The following NPLOC4 variants were observed in gnomAD, a reference collection of about 807,000 sequenced individuals.
NPLOC4 encodes the protein nuclear protein localization protein 4 homolog.
In NPLOC4, 18 loss-of-function variants were observed where a neutral mutation model predicts 80.6. The observed-to-expected ratio is 0.22, with a 90% CI of 0.15 to 0.33. The LOEUF (loss-of-function observed/expected upper bound fraction) is 0.33, where lower values mean the gene tolerates loss of function less well. Ranked by LOEUF, NPLOC4 falls within the 10% of genes least tolerant of loss-of-function variation. The probability of loss-of-function intolerance (pLI) is 1.00; values close to 1 mark genes in which losing one functional copy is unlikely to be tolerated. For synonymous variants in NPLOC4, 313 were observed against 301.5 expected (o/e 1.04, Z -0.39); for missense variants, 540 against 786.1 (o/e 0.69, Z 3.74).
At chr17:81,598,255 C>T (rs1218461230) in intron 9 of NPLOC4, among the ~76,000 whole-genome samples, 4 of 152,140 alleles carry the variant, frequency 2.6e-5, no homozygotes, top group African/African-American at 9.7e-5. Flanking sequence ...CCAGGGATCT[C>T]CATCTCTGTT....
chr17:81,622,154 G>A lies in NPLOC4; in HGVS notation c.209+12C>T. On this transcript the variant is annotated intron_variant, in intron 3 of 16. Transcript: ENST00000331134. ...CCCCCCATTCCCTGCTTCCTCCTCAGAGGACACTTACTTGATTTTTAGCAA... is the reference window on the plus strand; with the variant it reads ...CCCCCCATTCCCTGCTTCCTCCTCAAAGGACACTTACTTGATTTTTAGCAA... 2 of 1,591,528 alleles carry A rather than the reference G, an allele frequency of 1.3e-6. No homozygotes were observed. The highest frequency in any genetic ancestry group is 1.1e-5 in the South Asian group (1 of 90,508).
chr17:81,595,743 T>TA, intron 11 of NPLOC4, among the ~76,000 whole-genome samples: 1 of 151,764 alleles, frequency 6.6e-6, no homozygotes, highest in African/African-American at 2.4e-5. Context: ...GGGGTTTCGC[T>TA]ATGTTGGCCA....
intron 8 of NPLOC4, among the ~76,000 whole-genome samples, chr17:81,602,984 C>CAA (rs1568146471): frequency 3.4e-5 from 2 of 58,472 alleles, no homozygotes; most frequent in African/African-American, 6.4e-5. Context: ...CACAAATACA[C>CAA]ACACACACAC....
intron 1 of NPLOC4, among the ~76,000 whole-genome samples, chr17:81,635,110 G>A (rs1424691673): frequency 6.6e-6 from 1 of 151,856 alleles, no homozygotes. Context: ...GGTATGCCAA[G>A]GCGGGCGGAT....
At position 81,565,619 on chromosome 17, in the gene NPLOC4, C is replaced by CAA. The variant is rs1242536737; in HGVS notation, c.1567-14_1567-13dup. The CAA allele has an allele frequency of 3.9e-6, 6 of 1,534,248 alleles. No homozygotes were observed. Among genetic ancestry groups the CAA allele is most frequent in the Non-Finnish European group, 5.2e-6 (6 of 1,143,040 alleles). On this transcript the variant is annotated splice_polypyrimidine_tract_variant and intron_variant, in intron 15 of 16. Transcript: ENST00000331134. ...AAGCTGATGCTGTCCTACAAGAAGC[C>CAA]AAAAGGAAGGTTCCTCTTCGCTGTG... is the stretch of plus-strand genomic sequence containing the variant.
intron 11 of NPLOC4, among the ~76,000 whole-genome samples, chr17:81,595,572 G>A (rs1331694390): frequency 1.4e-5 from 2 of 147,796 alleles, no homozygotes; most frequent in East Asian, 2.0e-4. Context: ...TGAGACAGAG[G>A]CTCACCCTGT....
At chr17:81,612,990 A>G (rs185824896) in intron 4 of NPLOC4, 65 of 196,972 alleles carry the variant, frequency 3.3e-4, no homozygotes, top group Non-Finnish European at 5.8e-4. Flanking sequence ...CACGGGAATC[A>G]GCATCTCCAG....
chr17:81,606,120 C>A (rs2035196769), intron 7 of NPLOC4, among the ~76,000 whole-genome samples: 2 of 151,922 alleles, frequency 1.3e-5, no homozygotes, highest in Non-Finnish European at 2.9e-5. Context: ...CCTTGCCCGG[C>A]CAAAATAAAG....
intron 2 of NPLOC4, among the ~76,000 whole-genome samples, chr17:81,624,217 G>A (rs762293019): frequency 1.1e-4 from 16 of 152,100 alleles, no homozygotes; most frequent in Non-Finnish European, 2.4e-4. Context: ...TCAGGAGATC[G>A]AGGCCAGCCT....
chr17:81,617,664 C>CCCCTCCCCCT (rs1555686681), intron 3 of NPLOC4, among the ~76,000 whole-genome samples: 2 of 41,812 alleles, frequency 4.8e-5, no homozygotes, highest in Non-Finnish European at 8.2e-5. Context: ...AAAAAATGCC[C>CCCCTCCCCCT]CCCCTCCCCC....
Position 81,574,474 on chromosome 17 carries a change from G to A in NPLOC4, c.1282-2386C>T, listed in dbSNP as rs929587278. ...CTAGGCCTACACACCATTTTAAAAGGCAATTACTTTTTATGGGCCTTAGAA... is the reference window on the plus strand; with the variant it reads ...CTAGGCCTACACACCATTTTAAAAGACAATTACTTTTTATGGGCCTTAGAA... On this transcript the variant is annotated intron_variant, in intron 12 of 16. Transcript: ENST00000331134. Among the ~76,000 whole-genome samples, 3 of 152,228 alleles carry A rather than the reference G, an allele frequency of 2.0e-5. No individual in the cohort carries two copies. The South Asian group carries it at 6.2e-4, about 32-fold the overall frequency.
chr17:81,616,970 C>T (rs187630699), intron 3 of NPLOC4, among the ~76,000 whole-genome samples: 1 of 152,314 alleles, frequency 6.6e-6, no homozygotes, highest in East Asian at 1.9e-4. Context: ...AGTGGCTCTT[C>T]CCAAATCTCC....
chr17:81,559,168 TG>T lies in NPLOC4; in HGVS notation c.*90del. On this transcript the variant is annotated 3_prime_UTR_variant, in exon 17 of 17. Coordinates refer to ENST00000331134, the MANE Select transcript of NPLOC4 (RefSeq NM_017921.4). ...CTTGTTCCTCCAGGGCTGCCCACTATGGGGCAGTTACAGGGAACACACTCAG... is the reference window on the plus strand; with the variant it reads ...CTTGTTCCTCCAGGGCTGCCCACTATGGGCAGTTACAGGGAACACACTCAG... 7.2e-7 allele frequency: 1 copy of T among 1,393,962 alleles called. No individual in the cohort carries two copies. The highest frequency in any genetic ancestry group is 9.6e-7 in the Non-Finnish European group (1 of 1,042,524). 86.3% of individuals were successfully genotyped at this position (1,393,962 alleles called of 1,614,324 possible). A position where few individuals can be genotyped will look rare whatever the true frequency, so the allele number is the denominator to read the frequency against.
Position 81,558,904 on chromosome 17 carries a change from C to G in NPLOC4, c.*355G>C, listed in dbSNP as rs919319403. 5.3e-6 allele frequency: 1 copy of G among 189,496 alleles called. No homozygotes were observed. Among genetic ancestry groups the G allele is most frequent in the South Asian group, 1.7e-4 (1 of 5,828 alleles). The allele number at this position is 189,496 out of a possible 1,614,324, so 11.7% of individuals were successfully genotyped here. Reference sequence around the variant, plus strand: ...AAAAGCACTGAAAATAAAGAGAAGGCTGGGTGGTGGCAGCATCGGCCCCTC... The same window carrying G: ...AAAAGCACTGAAAATAAAGAGAAGGGTGGGTGGTGGCAGCATCGGCCCCTC... On this transcript the variant is annotated 3_prime_UTR_variant, in exon 17 of 17. Transcript: ENST00000331134.
At chr17:81,602,075 T>C (rs2035070680) in intron 8 of NPLOC4, among the ~76,000 whole-genome samples, 1 of 152,094 alleles carries the variant, frequency 6.6e-6, no homozygotes, top group Non-Finnish European at 1.5e-5. Flanking sequence ...TGTGCGTGCA[T>C]GCATGCGTGT....
At chr17:81,634,459 G>A (rs1481752730) in intron 1 of NPLOC4, among the ~76,000 whole-genome samples, 2 of 149,078 alleles carry the variant, frequency 1.3e-5, no homozygotes, top group South Asian at 2.1e-4. Context: ...AAAAAAAAAT[G>A]GCCTTGTCTG....
intron 9 of NPLOC4, among the ~76,000 whole-genome samples, chr17:81,599,553 C>T (rs2035010475): frequency 6.6e-6 from 1 of 152,144 alleles, no homozygotes; most frequent in African/African-American, 2.4e-5. Flanking sequence ...TTTTAAGTCA[C>T]ATTTGCAGTC....
chr17:81,564,085 C>A (rs1442221561), intron 16 of NPLOC4: 1 of 95,912 alleles, frequency 1.0e-5, no homozygotes, highest in South Asian at 1.2e-4. Flanking sequence ...CAGCTCAAAA[C>A]ACACACACAC....
At chr17:81,570,692 C>G (rs1314263287) in intron 13 of NPLOC4, among the ~76,000 whole-genome samples, 1 of 152,238 alleles carries the variant, frequency 6.6e-6, no homozygotes, top group African/African-American at 2.4e-5. Flanking sequence ...GTAACACTGG[C>G]TGGTGCCTTT....
Sources: allele counts gnomAD v4.1 joint callset (sites outside exome capture counted in the v4.1 genomes callset), GRCh38; gene constraint gnomAD v4.1.1; transcripts MANE v1.5; gene names NCBI Gene and HGNC (gene_info 2026-07-23, HGNC 2026-07-21).